Variants in EXOSC7 observed in about 807,000 individuals in gnomAD.
EXOSC7 encodes the protein exosome complex component RRP42.
Under a neutral mutation model 34.3 loss-of-function variants are expected in EXOSC7, and 25 were observed. The observed-to-expected ratio is 0.73, with a 90% CI of 0.53 to 1.02. The LOEUF (loss-of-function observed/expected upper bound fraction) is 1.02, where lower values mean the gene tolerates loss of function less well. EXOSC7 is among the 50% of genes least tolerant of loss of function. The pLI is 0.00. For synonymous variants in EXOSC7, 130 were observed against 143.0 expected (o/e 0.91, Z 0.65); for missense variants, 370 against 368.5 (o/e 1.00, Z -0.03).
chr3:44,979,850 G>C (rs1706228826), intron 1 of EXOSC7, among the ~76,000 whole-genome samples: 1 of 152,170 alleles, frequency 6.6e-6, no homozygotes, highest in African/African-American at 2.4e-5. Flanking sequence ...GTCAGTTTGT[G>C]AGAAGGGAGG....
chr3:44,989,100 G>T, intron 1 of EXOSC7, 40 bp from the exon 2 acceptor site: 2 of 1,401,522 alleles, frequency 1.4e-6, no homozygotes, highest in African/African-American at 1.4e-5. Context: ...AGTTATTGTT[G>T]ATCTGGGGTG....
Position 44,994,039 on chromosome 3 carries a change from T to C in EXOSC7, c.255-3048T>C, listed in dbSNP as rs143833192. 5.2e-4 allele frequency among the ~76,000 whole-genome samples: 79 copies of C among 152,154 alleles called. 5 individuals are homozygous for C. In the East Asian group the frequency reaches 0.014, roughly 28 times the overall value. On this transcript the variant is annotated intron_variant, in intron 3 of 7. Coordinates refer to ENST00000265564, the MANE Select transcript of EXOSC7 (RefSeq NM_015004.4). Reference sequence around the variant, plus strand: ...GATTCAAGGAGAGTACAGGGAAGCATAGAAGATAAGGGCCAGGCTGCCTGG... The same window carrying C: ...GATTCAAGGAGAGTACAGGGAAGCACAGAAGATAAGGGCCAGGCTGCCTGG...
intron 4 of EXOSC7, 69 bp from the exon 5 acceptor site, chr3:45,001,469 C>CT (rs1706876678): frequency 1.8e-6 from 2 of 1,123,412 alleles, no homozygotes; most frequent in Admixed American, 3.7e-5. Flanking sequence ...TGTCCTTTAA[C>CT]TGGGGTAATA....
intron 3 of EXOSC7, among the ~76,000 whole-genome samples, chr3:44,992,525 T>C (rs557030050): frequency 1.8e-4 from 28 of 152,322 alleles, no homozygotes; most frequent in African/African-American, 6.3e-4. Context: ...ATCTTTGATA[T>C]AGCCCTCACA....
Position 44,997,149 on chromosome 3 carries a change from C to T in EXOSC7, c.317C>T (p.Ala106Val), listed in dbSNP as rs906444441. Residue 106 changes from alanine to valine, a missense_variant, in exon 4 of 8, where the codon GCT becomes GTT. This residue lies in a region of EXOSC7 where 255 missense variants were observed against 246.4 expected (regional missense o/e 1.03). Coordinates refer to ENST00000265564, the MANE Select transcript of EXOSC7 (RefSeq NM_015004.4). Reference protein sequence around the residue: ...RGGDDLGTEIANTLYRIFNNK... With the variant: ...RGGDDLGTEIVNTLYRIFNNK... ...GGTGATGACCTTGGCACCGAGATCG[C>T]TAACACCCTCTATCGGATATTTAAC... 6.2e-7 allele frequency: 1 copy of T among 1,613,270 alleles called. No homozygotes were observed. The highest frequency in any genetic ancestry group is 1.3e-5 in the African/African-American group (1 of 74,636).
chr3:45,010,769 A>C (rs1707184533), intron 7 of EXOSC7, among the ~76,000 whole-genome samples: 1 of 152,148 alleles, frequency 6.6e-6, no homozygotes, highest in Admixed American at 6.5e-5. Flanking sequence ...TAGAGGCTTC[A>C]TGGGAGGTGA....
intron 1 of EXOSC7, among the ~76,000 whole-genome samples, chr3:44,984,730 G>A (rs1339203663): frequency 4.6e-5 from 7 of 152,118 alleles, no homozygotes; most frequent in South Asian, 4.1e-4. Context: ...TAACACTATC[G>A]TATAGGATTA....
intron 6 of EXOSC7, among the ~76,000 whole-genome samples, chr3:45,006,130 T>C (rs1318730013): frequency 1.7e-4 from 21 of 122,972 alleles, no homozygotes; most frequent in African/African-American, 5.9e-4. Context: ...CAGGCTGGAG[T>C]GCAATGGCGC....
chr3:44,996,449 A>G (rs896880354), intron 3 of EXOSC7, among the ~76,000 whole-genome samples: 2 of 152,170 alleles, frequency 1.3e-5, no homozygotes, highest in Non-Finnish European at 2.9e-5. Flanking sequence ...ATATCAAATG[A>G]AGGAGGTAAC....
intron 7 of EXOSC7, among the ~76,000 whole-genome samples, chr3:45,007,834 A>G (rs925305072): frequency 3.3e-5 from 5 of 152,176 alleles, no homozygotes; most frequent in Non-Finnish European, 5.9e-5. Context: ...TCTCATTTCT[A>G]TGTGTCTAAA....
intron 3 of EXOSC7, among the ~76,000 whole-genome samples, chr3:44,996,775 A>C: frequency 6.6e-6 from 1 of 152,182 alleles, no homozygotes; most frequent in East Asian, 1.9e-4. Context: ...TAAGAGAGTT[A>C]ATTATTATCG....
intron 4 of EXOSC7, 60 bp from the exon 5 acceptor site, chr3:45,001,478 T>C (rs1262990393): frequency 8.1e-7 from 1 of 1,228,098 alleles, no homozygotes; most frequent in Non-Finnish European, 1.2e-6. Flanking sequence ...ACTGGGGTAA[T>C]ACCTAAAGTA....
chr3:44,997,264 C>T lies in EXOSC7; in HGVS notation c.420+12C>T, dbSNP rs763138507. On this transcript the variant is annotated intron_variant, in intron 4 of 7. Transcript: ENST00000265564. ...ATGTGGATGTGCTGGTGAGTATCAT[C>T]GTGCTGTACTGGCCACATTCTACCT... 3.0e-5 allele frequency: 49 copies of T among 1,611,904 alleles called. No individual in the cohort carries two copies. Among genetic ancestry groups the T allele is most frequent in the Middle Eastern group, 1.7e-4 (1 of 5,790 alleles).
intron 1 of EXOSC7, 80 bp from the exon 2 acceptor site, chr3:44,989,060 C>T (rs1365958013): frequency 3.2e-6 from 3 of 927,712 alleles, no homozygotes; most frequent in East Asian, 2.4e-5. Context: ...TATATCTTCT[C>T]TAGGGGGAAA....
chr3:44,980,658 C>G (rs1394937728), intron 1 of EXOSC7, among the ~76,000 whole-genome samples: 1 of 152,222 alleles, frequency 6.6e-6, no homozygotes, highest in Non-Finnish European at 1.5e-5. Context: ...TTTGCTTCCT[C>G]TACCTCCTTT....
At chr3:45,006,850 AG>A (rs1293933401) in intron 6 of EXOSC7, among the ~76,000 whole-genome samples, 1 of 115,694 alleles carries the variant, frequency 8.6e-6, no homozygotes, top group East Asian at 2.9e-4. Context: ...CAGCCTCCCA[AG>A]TAGCTGGTAC....
At chr3:44,979,070 G>A (rs566375845) in intron 1 of EXOSC7, among the ~76,000 whole-genome samples, 184 of 152,344 alleles carry the variant, frequency 1.2e-3, no homozygotes, top group African/African-American at 4.2e-3. Context: ...ACAGAGCCAT[G>A]CAGAGTAATG....
Position 44,989,459 on chromosome 3 carries a change from C to A in EXOSC7, c.160-91C>A. 6.5e-6 allele frequency: 7 copies of A among 1,076,900 alleles called. No individual in the cohort carries two copies. In the South Asian group the frequency reaches 9.4e-5, roughly 15 times the overall value. The allele number at this position is 1,076,900 out of a possible 1,614,324, so 66.7% of individuals were successfully genotyped here. On this transcript the variant is annotated intron_variant, in intron 2 of 7. Transcript: ENST00000265564. ...GTCTTAGCACTGCTCCTAAAAGAGT[C>A]CCCCAGGGGTGTATGTCCAGAAGAG...
intron 5 of EXOSC7, among the ~76,000 whole-genome samples, chr3:45,002,501 A>G (rs6764088): frequency 0.45 from 68,548 of 151,908 alleles, 16,103 homozygotes; most frequent in East Asian, 0.84. Flanking sequence ...ACAGCAGCCT[A>G]TTTAAAGGCA....
Sources: allele counts gnomAD v4.1 joint callset (sites outside exome capture counted in the v4.1 genomes callset), GRCh38; gene constraint gnomAD v4.1.1; regional missense constraint gnomAD v4.1.1; transcripts MANE v1.5; gene names NCBI Gene and HGNC (gene_info 2026-07-23, HGNC 2026-07-21).